Variants in CTIF observed in about 807,000 individuals in gnomAD.
CTIF encodes the protein cap binding complex dependent translation initiation factor, also known as CBP80/20-dependent translation initiation factor.
Under a neutral mutation model 66.0 loss-of-function variants are expected in CTIF, and 21 were observed. The observed-to-expected ratio is 0.32, with a 90% CI of 0.23 to 0.46. CTIF has a LOEUF of 0.46. Among genes scored for constraint, CTIF ranks in the 20% least tolerant of loss-of-function variants. CTIF has a pLI of 1.00. For synonymous variants in CTIF, 345 were observed against 326.4 expected, an observed-to-expected ratio of 1.06 and a Z score of -0.62; for missense variants, 739 against 812.7, an observed-to-expected ratio of 0.91 and a Z score of 1.10.
rs570451051 is a variant in CTIF at position 48,693,457 on chromosome 18, G to A, written c.508-18162G>A. ...GTCTCTGGAGTGGGACCTGGGCATCGAGATGTTTTAAATGTCCCCAGGGGC... is the reference window on the plus strand; with the variant it reads ...GTCTCTGGAGTGGGACCTGGGCATCAAGATGTTTTAAATGTCCCCAGGGGC... On this transcript the variant is annotated intron_variant, in intron 6 of 11. Transcript: ENST00000256413. 7.8e-4 allele frequency among the ~76,000 whole-genome samples: 119 copies of A among 152,296 alleles called. 1 individual carries two copies. Among genetic ancestry groups the A allele is most frequent in the African/African-American group, 2.8e-3 (116 of 41,554 alleles).
intron 6 of CTIF, among the ~76,000 whole-genome samples, 169 bp downstream of exon 6, chr18:48,670,913 G>A (rs924555933): frequency 3.3e-5 from 5 of 152,188 alleles, no homozygotes; most frequent in African/African-American, 7.2e-5. Context: ...CATTCTCCAG[G>A]GTGTCCCATT....
At chr18:48,831,300 A>G (rs889550944) in intron 10 of CTIF, among the ~76,000 whole-genome samples, 2 of 152,102 alleles carry the variant, frequency 1.3e-5, no homozygotes, top group South Asian at 4.1e-4. Context: ...TTTCTCAACA[A>G]CCCTCCACCG....
intron 7 of CTIF, among the ~76,000 whole-genome samples, chr18:48,740,427 G>A (rs1296261959): frequency 6.6e-6 from 1 of 152,168 alleles, no homozygotes; most frequent in Non-Finnish European, 1.5e-5. Flanking sequence ...CATGCACCTG[G>A]TGTCTCCATC....
chr18:48,784,465 G>T (rs7238630), intron 9 of CTIF, among the ~76,000 whole-genome samples: 1 of 152,092 alleles, frequency 6.6e-6, no homozygotes, highest in Admixed American at 6.5e-5. Flanking sequence ...CTTGGGAGGG[G>T]CACTGTTTGC....
At chr18:48,775,072 C>G (rs898024077) in intron 9 of CTIF, among the ~76,000 whole-genome samples, 2 of 152,200 alleles carry the variant, frequency 1.3e-5, no homozygotes, top group African/African-American at 4.8e-5. Flanking sequence ...TAATGCCTTA[C>G]CACCTGTGGC....
chr18:48,575,645 C>T (rs1398962377), intron 1 of CTIF, among the ~76,000 whole-genome samples: 1 of 152,196 alleles, frequency 6.6e-6, no homozygotes, highest in Non-Finnish European at 1.5e-5. Context: ...GATGGAAGGT[C>T]CGTGGAGATG....
At chr18:48,593,747 T>TC (rs2089937368) in intron 1 of CTIF, among the ~76,000 whole-genome samples, 1 of 130,386 alleles carries the variant, frequency 7.7e-6, no homozygotes, top group African/African-American at 3.1e-5. Context: ...GTTTTTTGTT[T>TC]GTTTTTTTTT....
At chr18:48,749,991 C>T (rs1035618399) in intron 7 of CTIF, among the ~76,000 whole-genome samples, 41 of 152,324 alleles carry the variant, frequency 2.7e-4, no homozygotes, top group African/African-American at 8.4e-4. Flanking sequence ...AGGGCAGCCG[C>T]GTGCTCTTCC....
At chr18:48,581,218 T>G (rs1378323882) in intron 1 of CTIF, among the ~76,000 whole-genome samples, 1 of 147,146 alleles carries the variant, frequency 6.8e-6, no homozygotes, top group Non-Finnish European at 1.5e-5. Context: ...TTTGTTTTTG[T>G]TTTTTTTTGG....
At chr18:48,618,085 A>G (rs1325727331) in intron 1 of CTIF, among the ~76,000 whole-genome samples, 1 of 152,220 alleles carries the variant, frequency 6.6e-6, no homozygotes, top group Non-Finnish European at 1.5e-5. Context: ...TGGGAGAGTC[A>G]ACATTCATGC....
intron 3 of CTIF, among the ~76,000 whole-genome samples, chr18:48,641,620 T>C (rs1430331109): frequency 6.6e-6 from 1 of 152,236 alleles, no homozygotes; most frequent in Non-Finnish European, 1.5e-5. Flanking sequence ...CAAAGAGCCT[T>C]GTCCCAAGCT....
chr18:48,550,049 A>C (rs2088846288), intron 1 of CTIF, among the ~76,000 whole-genome samples: 1 of 152,126 alleles, frequency 6.6e-6, no homozygotes, highest in South Asian at 2.1e-4. Flanking sequence ...ATATCACTAT[A>C]GGTTTGCCAT....
At chr18:48,828,427 C>G (rs978681692) in intron 10 of CTIF, among the ~76,000 whole-genome samples, 1 of 152,138 alleles carries the variant, frequency 6.6e-6, no homozygotes, top group Non-Finnish European at 1.5e-5. Context: ...TAATAAACAT[C>G]AACTATTTGG....
intron 6 of CTIF, among the ~76,000 whole-genome samples, chr18:48,681,636 G>A (rs915448849): frequency 3.3e-5 from 5 of 152,078 alleles, no homozygotes; most frequent in Admixed American, 6.5e-5. Flanking sequence ...TGGCACCCCC[G>A]GCTTCTTTCC....
At chr18:48,678,424 C>G (rs1462055175) in intron 6 of CTIF, among the ~76,000 whole-genome samples, 1 of 152,102 alleles carries the variant, frequency 6.6e-6, no homozygotes, top group Non-Finnish European at 1.5e-5. Flanking sequence ...TCCCCACCCC[C>G]AAGTGCTTCC....
chr18:48,635,327 CT>C (rs561455888), intron 2 of CTIF, among the ~76,000 whole-genome samples: 4,549 of 113,236 alleles, frequency 0.04, 38 homozygotes, highest in African/African-American at 0.069. Context: ...CTTTTTCTTT[CT>C]TTTTTTTTTT....
chr18:48,857,564 G>A, intron 10 of CTIF, 24 bp from the exon 11 acceptor site: 1 of 1,601,526 alleles, frequency 6.2e-7, no homozygotes, highest in Non-Finnish European at 8.5e-7. Context: ...CTTCAGTGGT[G>A]CTCTCTGCCC....
intron 6 of CTIF, among the ~76,000 whole-genome samples, chr18:48,683,448 G>A (rs1476374638): frequency 6.0e-5 from 9 of 150,710 alleles, no homozygotes; most frequent in South Asian, 2.1e-4. Context: ...TCCTGCCCCC[G>A]AGCCTCACCC....
At chr18:48,697,897 T>C (rs1165451252) in intron 6 of CTIF, among the ~76,000 whole-genome samples, 1 of 151,414 alleles carries the variant, frequency 6.6e-6, no homozygotes, top group Non-Finnish European at 1.5e-5. Flanking sequence ...ATCCTGCCGT[T>C]GCATCCTAGC....
Sources: allele counts gnomAD v4.1 joint callset (sites outside exome capture counted in the v4.1 genomes callset), GRCh38; gene constraint gnomAD v4.1.1; transcripts MANE v1.5; gene names NCBI Gene and HGNC (gene_info 2026-07-23, HGNC 2026-07-21).